The following CHN2 variants were observed in gnomAD, a reference collection of about 807,000 sequenced individuals.
CHN2 encodes the protein beta-chimaerin.
CHN2 carries 35 observed loss-of-function variants against 56.3 expected under a neutral mutation model. The ratio of observed to expected loss-of-function variants is 0.62; its 90% CI spans 0.47 to 0.82. The LOEUF (loss-of-function observed/expected upper bound fraction) is 0.82. Among genes scored for constraint, CHN2 ranks in the 40% least tolerant of loss-of-function variants. The probability of loss-of-function intolerance (pLI) is 0.00; values close to 1 mark genes in which losing one functional copy is unlikely to be tolerated. For missense variants in CHN2, 491 were observed against 580.5 expected (o/e 0.85, Z 1.58); for synonymous variants, 210 against 212.8 (o/e 0.99, Z 0.12).
At chr7:29,346,865 A>G (rs1797479861) in intron 1 of CHN2, among the ~76,000 whole-genome samples, 1 of 152,120 alleles carries the variant, frequency 6.6e-6, no homozygotes, top group Admixed American at 6.5e-5. Context: ...TCAGTCTCCA[A>G]ATTCCTTTAC....
chr7:29,162,655 C>T (rs1193185154), intron 2 of CHN2, among the ~76,000 whole-genome samples: 1 of 143,496 alleles, frequency 7.0e-6, no homozygotes, highest in Non-Finnish European at 1.5e-5. Flanking sequence ...GAGTGAAACT[C>T]CATCTCAAAA....
intron 2 of CHN2, among the ~76,000 whole-genome samples, chr7:29,159,047 C>A (rs1040231097): frequency 6.6e-6 from 1 of 152,172 alleles, no homozygotes; most frequent in Non-Finnish European, 1.5e-5. Context: ...AAAATTAAAA[C>A]CTAGCCACCC....
At chr7:29,291,399 C>T (rs1195014797) in intron 1 of CHN2, among the ~76,000 whole-genome samples, 1 of 152,030 alleles carries the variant, frequency 6.6e-6, no homozygotes, top group Non-Finnish European at 1.5e-5. Flanking sequence ...GAGGGGTGCT[C>T]TCCTGCCCTG....
intron 4 of CHN2, chr7:29,397,509 T>A (rs1014899763): frequency 6.6e-6 from 1 of 152,212 alleles, no homozygotes; most frequent in Non-Finnish European, 1.5e-5. Context: ...TGGGACTGCC[T>A]CATTTCCCCA....
intron 1 of CHN2, among the ~76,000 whole-genome samples, chr7:29,262,185 CA>C (rs1373902176): frequency 6.6e-6 from 1 of 151,888 alleles, no homozygotes; most frequent in African/African-American, 2.4e-5. Flanking sequence ...AAACAACAAC[CA>C]AAAAAACAAC....
At chr7:29,495,860 T>C (rs202188249) in intron 7 of CHN2, 92 bp from the exon 8 acceptor site, 2 of 979,478 alleles carry the variant, frequency 2.0e-6, no homozygotes, top group Non-Finnish European at 3.2e-6. Context: ...CAGTGGGGGA[T>C]CGCTCCTGCT....
intron 2 of CHN2, among the ~76,000 whole-genome samples, chr7:29,159,113 C>T (rs1356094723): frequency 1.3e-5 from 2 of 152,196 alleles, no homozygotes; most frequent in African/African-American, 4.8e-5. Flanking sequence ...TAATGGGCTA[C>T]ACAGCACAAG....
At chr7:29,399,307 T>A (rs1387088711) in intron 5 of CHN2, among the ~76,000 whole-genome samples, 1 of 152,190 alleles carries the variant, frequency 6.6e-6, no homozygotes, top group Non-Finnish European at 1.5e-5. Context: ...GCCTTGCACG[T>A]GCAGACCTCA....
intron 1 of CHN2, among the ~76,000 whole-genome samples, chr7:29,291,052 C>T (rs778365502): frequency 3.3e-5 from 5 of 152,224 alleles, no homozygotes; most frequent in South Asian, 2.1e-4. Context: ...CACAGTGTCC[C>T]GCCAGCACTT....
rs749694587 is a variant in CHN2 at position 29,398,417 on chromosome 7, G to C, written c.221G>C (p.Gly74Ala). 6.2e-7 allele frequency: 1 copy of C among 1,613,662 alleles called. No individual in the cohort carries two copies. Among genetic ancestry groups the C allele is most frequent in the South Asian group, 1.1e-5 (1 of 91,084 alleles). The change falls in exon 5 of 13, where the codon GGA becomes GCA. Residue 74 changes from glycine (G) to alanine (A), a missense_variant. Physicochemically the swap from Gly to Ala is moderately conservative, Grantham distance 60 (BLOSUM62 0). Coordinates refer to ENST00000222792, the MANE Select transcript of CHN2 (RefSeq NM_004067.4). ...CGGGAGCAGGCGGATGAGCTTCTTG[G>C]AGGCGTGGAGGGTGCCTACATCCTT... ...ISREQADELL[G>A]GVEGAYILRE...
chr7:29,347,320 G>A (rs772783528), intron 1 of CHN2, among the ~76,000 whole-genome samples: 2 of 152,194 alleles, frequency 1.3e-5, no homozygotes, highest in Non-Finnish European at 2.9e-5. Context: ...ACCTGTATCA[G>A]TGTGGCATTG....
intron 1 of CHN2, among the ~76,000 whole-genome samples, chr7:29,245,324 C>T (rs1787986106): frequency 6.6e-6 from 1 of 152,116 alleles, no homozygotes; most frequent in Non-Finnish European, 1.5e-5. Flanking sequence ...AGGTAGTGAA[C>T]ATTTCTTTAA....
intron 1 of CHN2, among the ~76,000 whole-genome samples, chr7:29,252,578 G>GTTTTTGTTTTT (rs1788666189): frequency 5.1e-5 from 1 of 19,488 alleles, no homozygotes; most frequent in African/African-American, 3.1e-4. Context: ...TGCATTCTTT[G>GTTTTTGTTTTT]TTTTTTTTTT....
intron 1 of CHN2, among the ~76,000 whole-genome samples, chr7:29,198,166 A>G (rs568041004): frequency 6.6e-6 from 1 of 152,328 alleles, no homozygotes; most frequent in African/African-American, 2.4e-5. Context: ...ACATTTGGGC[A>G]ATTGAGCAGT....
intron 11 of CHN2, among the ~76,000 whole-genome samples, chr7:29,509,065 A>G (rs1038379293): frequency 4.6e-5 from 7 of 152,218 alleles, no homozygotes; most frequent in African/African-American, 1.7e-4. Flanking sequence ...GGGCAAGGAC[A>G]GTGTCCAGCC....
chr7:29,474,839 T>G (rs1466465250), intron 6 of CHN2, among the ~76,000 whole-genome samples: 1 of 152,172 alleles, frequency 6.6e-6, no homozygotes, highest in African/African-American at 2.4e-5. Flanking sequence ...TCTCTAGAAA[T>G]TGGTACTGAT....
intron 1 of CHN2, among the ~76,000 whole-genome samples, chr7:29,320,005 T>A (rs39123): frequency 0.9 from 136,530 of 152,212 alleles, 61,363 homozygotes; most frequent in East Asian, 1. Flanking sequence ...GATGAGTAGG[T>A]TGCTGGTCAT....
Position 29,357,995 on chromosome 7 carries a change from TCACA to T in CHN2, c.88+3336_88+3339del, listed in dbSNP as rs1285312980. ...CATGTATGGATTCCATATTCTTCCATCACACACTTTTTTAAACTCTAGCAATTTT... is the reference window on the plus strand; with the variant it reads ...CATGTATGGATTCCATATTCTTCCATCACTTTTTTAAACTCTAGCAATTTT... On this transcript the variant is annotated intron_variant, in intron 2 of 12. Coordinates refer to ENST00000222792, the MANE Select transcript of CHN2 (RefSeq NM_004067.4). 3.3e-5 allele frequency among the ~76,000 whole-genome samples: 5 copies of T among 152,348 alleles called. No homozygotes were observed. The East Asian group carries it at 9.6e-4, about 29-fold the overall frequency.
chr7:29,342,045 A>G (rs186951392), intron 1 of CHN2, among the ~76,000 whole-genome samples: 15 of 152,280 alleles, frequency 9.9e-5, no homozygotes, highest in African/African-American at 3.4e-4. Flanking sequence ...GTTTCTTACA[A>G]TCACTTGTTT....
Sources: gnomAD v4.1 joint callset for allele counts (sites outside exome capture counted in the v4.1 genomes callset) on GRCh38, gnomAD v4.1.1 for gene constraint, MANE v1.5 for transcripts, NCBI Gene and HGNC (gene_info 2026-07-23, HGNC 2026-07-21) for gene names.